Variants in WDR64 observed in about 807,000 individuals in gnomAD.
The protein encoded by WDR64 is WD repeat domain 64, also known as WD repeat-containing protein 64.
WDR64 carries 112 observed loss-of-function variants against 139.3 expected under a neutral mutation model. That is an observed-to-expected ratio of 0.80 (90% confidence interval 0.69 to 0.94). The LOEUF (loss-of-function observed/expected upper bound fraction) is 0.94, where lower values mean the gene tolerates loss of function less well. Ranked by LOEUF, WDR64 falls within the 40% of genes least tolerant of loss-of-function variation. The pLI, the probability that WDR64 is intolerant of heterozygous loss-of-function variation, is 0.00. For synonymous variants in WDR64, 444 were observed against 437.7 expected (o/e 1.01, Z -0.18); for missense variants, 1,206 against 1,293.1 (o/e 0.93, Z 1.03).
chr1:241,779,115 T>C (rs954194859), intron 21 of WDR64, among the ~76,000 whole-genome samples: 7 of 152,130 alleles, frequency 4.6e-5, no homozygotes, highest in African/African-American at 1.7e-4. Flanking sequence ...TCCTTTACTT[T>C]TGAAGGTTAA....
chr1:241,670,921 T>C (rs148086871), intron 2 of WDR64, among the ~76,000 whole-genome samples, 153 bp from the exon 3 acceptor site: 1 of 152,326 alleles, frequency 6.6e-6, no homozygotes, highest in East Asian at 1.9e-4. Context: ...TGTATTAAAC[T>C]GTCTCCTGGT....
chr1:241,661,782 T>C (rs1665842416), intron 2 of WDR64, among the ~76,000 whole-genome samples: 2 of 152,196 alleles, frequency 1.3e-5, no homozygotes, highest in East Asian at 1.9e-4. Context: ...AAAAATAATA[T>C]GCTAATGTCA....
At chr1:241,747,223 T>C (rs1231109938) in intron 13 of WDR64, among the ~76,000 whole-genome samples, 1 of 152,200 alleles carries the variant, frequency 6.6e-6, no homozygotes, top group Non-Finnish European at 1.5e-5. Context: ...AACATTTCTG[T>C]ATATTGGTTG....
intron 2 of WDR64, among the ~76,000 whole-genome samples, chr1:241,669,018 A>G (rs569834175): frequency 4.6e-5 from 7 of 152,284 alleles, no homozygotes; most frequent in South Asian, 2.1e-4. Context: ...CTTTCCAACG[A>G]TAACAATAGC....
intron 8 of WDR64, among the ~76,000 whole-genome samples, chr1:241,707,390 C>T (rs534471101): frequency 6.4e-4 from 98 of 152,290 alleles, no homozygotes; most frequent in African/African-American, 2.2e-3. Flanking sequence ...TCCTTAACTC[C>T]CTTATGAGCC....
chr1:241,785,561 C>T (rs1020832363), intron 23 of WDR64, among the ~76,000 whole-genome samples: 9 of 152,186 alleles, frequency 5.9e-5, no homozygotes, highest in Non-Finnish European at 1.0e-4. Context: ...CATAGCACTG[C>T]TCACTCCAGT....
chr1:241,775,140 A>G lies in WDR64; in HGVS notation c.2466A>G (p.Lys822=). 6.4e-7 allele frequency: 1 copy of G among 1,551,178 alleles called. No individual in the cohort carries two copies. The highest frequency in any genetic ancestry group is 1.2e-5 in the South Asian group (1 of 84,028). ...TGAAAGATATGCTACCTTTCACAAA[A>G]CATTCTGCCATTTCTCTGACATCGC... ...RLLKDMLPFT[K]HSAISLTSLY... Residue 822 remains lysine (K), a synonymous_variant, in exon 21 of 28, where the codon AAA becomes AAG. Coordinates refer to ENST00000437684, the MANE Select transcript of WDR64 (RefSeq NM_001367482.1).
rs1272688172 is a variant in WDR64 at position 241,802,229 on chromosome 1, G to A, written c.*1014G>A. 6 of 386,004 alleles carry A rather than the reference G, an allele frequency of 1.6e-5. No individual in the cohort carries two copies. The highest frequency in any genetic ancestry group is 1.1e-4 in the African/African-American group (5 of 46,966). 23.9% of individuals were successfully genotyped at this position (386,004 alleles called of 1,614,324 possible). ...CCTCAGCAATTAAAGGGAATAAAAT[G>A]CTAATGCATGCATTAACATAGACCA... On this transcript the variant is annotated 3_prime_UTR_variant, in exon 28 of 28. Coordinates refer to ENST00000437684, the MANE Select transcript of WDR64 (RefSeq NM_001367482.1).
chr1:241,743,560 C>T (rs994162874), intron 12 of WDR64, among the ~76,000 whole-genome samples: 1 of 152,142 alleles, frequency 6.6e-6, no homozygotes, highest in African/African-American at 2.4e-5. Flanking sequence ...GATGAACTTT[C>T]TCACCCCTGG....
chr1:241,733,340 T>C (rs1282962030), intron 10 of WDR64, among the ~76,000 whole-genome samples: 2 of 152,098 alleles, frequency 1.3e-5, no homozygotes, highest in African/African-American at 4.8e-5. Context: ...CTGGGTGTGG[T>C]GGCAGGTGCC....
intron 12 of WDR64, among the ~76,000 whole-genome samples, chr1:241,742,334 C>T (rs533677450): frequency 6.6e-6 from 1 of 152,322 alleles, no homozygotes; most frequent in Non-Finnish European, 1.5e-5. Context: ...CTGAGAGCTA[C>T]TGGGCTGCAT....
At position 241,652,648 on chromosome 1, in the gene WDR64, C is replaced by A; in HGVS notation, c.145+19C>A. ...AAAGAAGGTAAGATCAGTGATTACA[C>A]GATAGTCCAATTGGGTCTGTTGGTT... On this transcript the variant is annotated intron_variant, in intron 1 of 27. Coordinates refer to ENST00000437684, the MANE Select transcript of WDR64 (RefSeq NM_001367482.1). The A allele has an allele frequency of 6.4e-7, 1 of 1,550,810 alleles. No homozygotes were observed. The highest frequency in any genetic ancestry group is 8.7e-7 in the Non-Finnish European group (1 of 1,146,704).
intron 13 of WDR64, among the ~76,000 whole-genome samples, chr1:241,746,125 A>G (rs1248546300): frequency 6.6e-6 from 1 of 152,184 alleles, no homozygotes; most frequent in Non-Finnish European, 1.5e-5. Flanking sequence ...GTATTTAATC[A>G]ATGTTTAATG....
At chr1:241,759,088 T>C (rs949526626) in intron 15 of WDR64, among the ~76,000 whole-genome samples, 1 of 152,194 alleles carries the variant, frequency 6.6e-6, no homozygotes, top group African/African-American at 2.4e-5. Context: ...ATTTATATAA[T>C]GTATTCTTCT....
At chr1:241,745,308 A>G (rs1377893068) in intron 13 of WDR64, among the ~76,000 whole-genome samples, 7 of 152,044 alleles carry the variant, frequency 4.6e-5, no homozygotes, top group African/African-American at 1.7e-4. Context: ...CACGTGAAAT[A>G]AAATCATGAA....
intron 19 of WDR64, among the ~76,000 whole-genome samples, chr1:241,772,094 A>G (rs978169095): frequency 1.3e-5 from 2 of 148,732 alleles, no homozygotes; most frequent in African/African-American, 2.4e-5. Context: ...GGTTTTAAGA[A>G]TCCAGAATAT....
At chr1:241,663,641 G>A (rs1665920770) in intron 2 of WDR64, among the ~76,000 whole-genome samples, 1 of 152,230 alleles carries the variant, frequency 6.6e-6, no homozygotes, top group African/African-American at 2.4e-5. Context: ...GAAAAAACTA[G>A]AGTGGGGCCT....
chr1:241,748,211 C>A (rs1669836351), intron 13 of WDR64, among the ~76,000 whole-genome samples: 1 of 152,212 alleles, frequency 6.6e-6, no homozygotes, highest in African/African-American at 2.4e-5. Context: ...AAAAGCTGAG[C>A]AAATTCTTCT....
chr1:241,770,414 G>T, intron 17 of WDR64: 5 of 430,178 alleles, frequency 1.2e-5, no homozygotes, highest in Admixed American at 4.3e-5. Context: ...AACCTTATTT[G>T]CTGAGGCTCC....
Sources: allele counts gnomAD v4.1 joint callset (sites outside exome capture counted in the v4.1 genomes callset), GRCh38; gene constraint gnomAD v4.1.1; transcripts MANE v1.5; gene names NCBI Gene and HGNC (gene_info 2026-07-23, HGNC 2026-07-21).